Variants in RBFOX1 observed in about 807,000 individuals in gnomAD.
RBFOX1 encodes RNA binding protein fox-1 homolog 1.
In RBFOX1, 8 loss-of-function variants were observed where a neutral mutation model predicts 57.7. The ratio of observed to expected loss-of-function variants is 0.14; its 90% confidence interval spans 0.08 to 0.25. The LOEUF (loss-of-function observed/expected upper bound fraction) is 0.25. RBFOX1 is among the 10% of genes least tolerant of loss of function. The pLI is 1.00. For missense variants in RBFOX1, 611 were observed against 548.5 expected (o/e 1.11, Z -1.14); for synonymous variants, 326 against 222.4 (o/e 1.47, Z -4.15).
chr16:7,081,786 C>T (rs1411169256), intron 4 of RBFOX1, among the ~76,000 whole-genome samples: 3 of 152,144 alleles, frequency 2.0e-5, no homozygotes, highest in East Asian at 3.9e-4. Flanking sequence ...ATTTGAACAC[C>T]TGCCTGGAGA....
chr16:6,746,678 A>AG (rs1456786765), intron 3 of RBFOX1, among the ~76,000 whole-genome samples: 4 of 151,068 alleles, frequency 2.6e-5, no homozygotes, highest in African/African-American at 7.4e-5. Context: ...CACAGGTGTC[A>AG]GGGAAAAAAA....
chr16:7,703,085 AAAGAGCATGCTTTT>A (rs1475370230), intron 14 of RBFOX1, among the ~76,000 whole-genome samples: 1 of 150,838 alleles, frequency 6.6e-6, no homozygotes, highest in Admixed American at 6.7e-5. Flanking sequence ...ATGGCTCTCT[AAAGAGCATGCTTTT>A]AGAACCACTG....
intron 3 of RBFOX1, among the ~76,000 whole-genome samples, chr16:6,676,143 CACACACACA>C (rs2057628132): frequency 1.9e-3 from 1 of 518 alleles, no homozygotes; most frequent in South Asian, 0.056. Context: ...CACACACGCG[CACACACACA>C]CACACACACA....
chr16:5,542,137 G>C (rs1421371781), intron 2 of RBFOX1, among the ~76,000 whole-genome samples: 1 of 152,056 alleles, frequency 6.6e-6, no homozygotes, highest in East Asian at 1.9e-4. Flanking sequence ...CCAGAGCATG[G>C]GATGTCTTTC....
Position 7,273,090 on chromosome 16 carries a change from C to CCTCCCTCCCTTTCCTCCTTCCCTCT in RBFOX1, c.27+221016_27+221040dup, listed in dbSNP as rs560423322. On this transcript the variant is annotated intron_variant, in intron 4 of 15. Coordinates refer to ENST00000550418, the MANE Select transcript of RBFOX1 (RefSeq NM_018723.4). ...TCCCTCCTTCCATCCTTCCGCTCTC[C>CCTCCCTCCCTTTCCTCCTTCCCTCT]CTCCCTCCCTTTCCTCCTTCCCTCT... Among the ~76,000 whole-genome samples, 8 of 124,314 alleles carry CCTCCCTCCCTTTCCTCCTTCCCTCT rather than the reference C, an allele frequency of 6.4e-5. No homozygotes were observed. The South Asian group carries it at 2.3e-3, about 36-fold the overall frequency. The allele number at this position is 124,314 out of a possible 152,430, so 81.6% of individuals were successfully genotyped here.
At chr16:6,788,474 T>C (rs138353501) in intron 3 of RBFOX1, among the ~76,000 whole-genome samples, 1 of 151,672 alleles carries the variant, frequency 6.6e-6, no homozygotes, top group Non-Finnish European at 1.5e-5. Flanking sequence ...TTATTTATTT[T>C]TTATTTTTTA....
At chr16:7,281,833 C>G (rs542025301) in intron 4 of RBFOX1, among the ~76,000 whole-genome samples, 1 of 152,170 alleles carries the variant, frequency 6.6e-6, no homozygotes, top group South Asian at 2.1e-4. Context: ...CTTTTCCTCC[C>G]TGCCTTCCTT....
chr16:7,375,010 T>C (rs1027156194), intron 4 of RBFOX1, among the ~76,000 whole-genome samples: 1 of 152,248 alleles, frequency 6.6e-6, no homozygotes, highest in Non-Finnish European at 1.5e-5. Flanking sequence ...TGTAGAGATA[T>C]TCTCCGTTTA....
chr16:7,399,774 C>T (rs2098208915), intron 4 of RBFOX1, among the ~76,000 whole-genome samples: 1 of 152,140 alleles, frequency 6.6e-6, no homozygotes, highest in Non-Finnish European at 1.5e-5. Flanking sequence ...GACCCTCTTC[C>T]CAAATAAGGT....
chr16:6,624,595 A>G (rs970032854), intron 2 of RBFOX1, among the ~76,000 whole-genome samples: 2 of 152,132 alleles, frequency 1.3e-5, no homozygotes, highest in Non-Finnish European at 2.9e-5. Flanking sequence ...GTAAGACTGT[A>G]CCCTAAAAGT....
intron 3 of RBFOX1, among the ~76,000 whole-genome samples, chr16:5,625,539 TTTATTTAC>T (rs777719699): frequency 0.023 from 3,106 of 135,046 alleles, 72 homozygotes; most frequent in African/African-American, 0.07. Context: ...TTTTTTGTTA[TTTATTTAC>T]TTATTTATTT....
At chr16:5,969,355 G>A (rs1263089448) in intron 4 of RBFOX1, among the ~76,000 whole-genome samples, 15 of 139,378 alleles carry the variant, frequency 1.1e-4, no homozygotes, top group East Asian at 2.2e-4. Flanking sequence ...ACTGTCACCC[G>A]GGCTGGAGTG....
intron 3 of RBFOX1, among the ~76,000 whole-genome samples, chr16:5,849,319 A>G (rs1223991124): frequency 1.3e-5 from 2 of 152,128 alleles, no homozygotes; most frequent in Non-Finnish European, 2.9e-5. Context: ...AAGTGTCACC[A>G]GGTATTGGGT....
intron 3 of RBFOX1, among the ~76,000 whole-genome samples, chr16:6,819,765 A>C (rs1194352218): frequency 6.6e-6 from 1 of 150,440 alleles, no homozygotes; most frequent in African/African-American, 2.4e-5. Context: ...TATAACAGGT[A>C]TTAAAATCTA....
At chr16:6,778,280 A>G (rs1362238738) in intron 3 of RBFOX1, among the ~76,000 whole-genome samples, 1 of 152,176 alleles carries the variant, frequency 6.6e-6, no homozygotes, top group Non-Finnish European at 1.5e-5. Flanking sequence ...TGTACAAAGT[A>G]ACAAACACAT....
chr16:5,581,690 C>T (rs748573288), intron 2 of RBFOX1, among the ~76,000 whole-genome samples: 45 of 152,110 alleles, frequency 3.0e-4, no homozygotes, highest in Non-Finnish European at 6.0e-4. Context: ...AGGGAACTCT[C>T]CAAGCCAGGG....
intron 3 of RBFOX1, among the ~76,000 whole-genome samples, chr16:6,771,977 T>C (rs1254703574): frequency 6.6e-6 from 1 of 152,286 alleles, no homozygotes; most frequent in East Asian, 1.9e-4. Context: ...CTCAAAATAA[T>C]TGAAACGGAA....
At chr16:6,818,075 T>C (rs1489412292) in intron 3 of RBFOX1, among the ~76,000 whole-genome samples, 2 of 152,196 alleles carry the variant, frequency 1.3e-5, no homozygotes, top group Non-Finnish European at 2.9e-5. Context: ...ATCTTAGATG[T>C]CATGATGTAA....
intron 3 of RBFOX1, among the ~76,000 whole-genome samples, chr16:6,666,838 C>T (rs973787435): frequency 2.0e-5 from 3 of 152,086 alleles, no homozygotes; most frequent in African/African-American, 7.2e-5. Flanking sequence ...CATTGAATTT[C>T]CTCCCAATTA....
Sources: gnomAD v4.1 joint callset for allele counts (sites outside exome capture counted in the v4.1 genomes callset) on GRCh38, gnomAD v4.1.1 for gene constraint, MANE v1.5 for transcripts, NCBI Gene and HGNC (gene_info 2026-07-23, HGNC 2026-07-21) for gene names.